RC3H2: variants seen among roughly 807,000 people sequenced by gnomAD.
The protein encoded by RC3H2 is roquin-2.
Under a neutral mutation model 133.3 loss-of-function variants are expected in RC3H2, and 31 were observed. The ratio of observed to expected loss-of-function variants is 0.23; its 90% CI spans 0.17 to 0.31. The LOEUF is 0.31. RC3H2 is among the 10% of genes least tolerant of loss of function. The pLI is 1.00. For missense variants in RC3H2, 1,175 were observed against 1,437.2 expected, an observed-to-expected ratio of 0.82 and a Z score of 2.95; for synonymous variants, 517 against 502.2, an observed-to-expected ratio of 1.03 and a Z score of -0.40.
At chr9:122,854,845 T>C (rs1163522497) in intron 15 of RC3H2, among the ~76,000 whole-genome samples, 1 of 152,158 alleles carries the variant, frequency 6.6e-6, no homozygotes, top group African/African-American at 2.4e-5. Context: ...GGCTCACATA[T>C]GTAATCCCAG....
intron 11 of RC3H2, among the ~76,000 whole-genome samples, 153 bp from the exon 12 acceptor site, chr9:122,859,255 T>A (rs1830369421): frequency 7.6e-5 from 1 of 13,186 alleles, no homozygotes; most frequent in South Asian, 6.3e-3. Context: ...ACCCTGGCTT[T>A]TTTTTTTTTT....
chr9:122,870,424 C>A (rs1282295585), intron 9 of RC3H2, among the ~76,000 whole-genome samples: 4 of 149,968 alleles, frequency 2.7e-5, no homozygotes, highest in Non-Finnish European at 5.9e-5. Context: ...AAAAAAAAAA[C>A]AACAAACTGA....
intron 9 of RC3H2, among the ~76,000 whole-genome samples, chr9:122,868,375 C>G (rs1830843695): frequency 6.6e-6 from 1 of 152,146 alleles, no homozygotes; most frequent in East Asian, 1.9e-4. Flanking sequence ...ACATGGGAGA[C>G]TTTTCATTTT....
At chr9:122,891,344 C>G (rs1231271822) in intron 3 of RC3H2, among the ~76,000 whole-genome samples, 2 of 152,028 alleles carry the variant, frequency 1.3e-5, no homozygotes, top group African/African-American at 4.8e-5. Flanking sequence ...TCTTTCTTCT[C>G]TTATGCAGCA....
In RC3H2 at chr9:122,892,876, A is replaced by G. The variant is rs565768070; in HGVS notation, c.349+33T>C. ...CAAAGTAAATGTACTACCAAGTCCT[A>G]CTTATCAGTAAAAATGCATTTTATG... On this transcript the variant is annotated intron_variant, in intron 3 of 20. Coordinates refer to ENST00000357244, the MANE Select transcript of RC3H2 (RefSeq NM_001100588.3). The G allele has an allele frequency of 2.0e-6, 3 of 1,528,696 alleles. No homozygotes were observed. In the African/African-American group the frequency reaches 4.1e-5, roughly 21 times the overall value. The allele number at this position is 1,528,696 out of a possible 1,614,324, so 94.7% of individuals were successfully genotyped here. A position where few individuals can be genotyped will look rare whatever the true frequency, so the allele number is the denominator to read the frequency against.
At chr9:122,890,913 A>G (rs1327286873) in intron 3 of RC3H2, among the ~76,000 whole-genome samples, 1 of 151,856 alleles carries the variant, frequency 6.6e-6, no homozygotes, top group Non-Finnish European at 1.5e-5. Flanking sequence ...TTACTTGAAC[A>G]TTTCCATCAT....
At chr9:122,861,976 ATAAC>A (rs990982413) in intron 10 of RC3H2, among the ~76,000 whole-genome samples, 3 of 152,242 alleles carry the variant, frequency 2.0e-5, no homozygotes, top group Non-Finnish European at 4.4e-5. Flanking sequence ...CCTTAAAACA[ATAAC>A]TAATATTTAT....
At chr9:122,867,497 G>T (rs1447910113) in intron 9 of RC3H2, among the ~76,000 whole-genome samples, 1 of 144,758 alleles carries the variant, frequency 6.9e-6, no homozygotes, top group South Asian at 2.2e-4. Context: ...CCCTGTCGGG[G>T]ATGTGAGGGG....
intron 4 of RC3H2, among the ~76,000 whole-genome samples, chr9:122,885,234 CA>C (rs1831865000): frequency 6.6e-6 from 1 of 152,066 alleles, no homozygotes; most frequent in African/African-American, 2.4e-5. Flanking sequence ...AACCTACTCT[CA>C]AATGGTTCAG....
At chr9:122,859,794 A>G (rs1830387790) in intron 11 of RC3H2, 123 bp downstream of exon 11, 1 of 824,458 alleles carries the variant, frequency 1.2e-6, no homozygotes, top group Admixed American at 2.4e-5. Flanking sequence ...AAGGAAAAAA[A>G]CTTATGAGTC....
intron 9 of RC3H2, 128 bp downstream of exon 9, chr9:122,877,343 G>C (rs74885279): frequency 0.011 from 8,099 of 705,110 alleles, 62 homozygotes; most frequent in Non-Finnish European, 0.016. Context: ...TGGGACTACA[G>C]GCATGAGCTA....
intron 18 of RC3H2, among the ~76,000 whole-genome samples, chr9:122,852,587 G>C (rs1237052482): frequency 6.8e-6 from 1 of 146,824 alleles, no homozygotes; most frequent in Admixed American, 6.8e-5. Context: ...GAGGTGTGGG[G>C]GTCAGCCCCC....
In RC3H2 at chr9:122,846,315, T is replaced by A. The variant is rs1226630174; in HGVS notation, c.*3312A>T. ...AAATAGCTATGATGGGAAGGAAAAA[T>A]CAGTGCCACTGGCCTAATGAACTCC... On this transcript the variant is annotated 3_prime_UTR_variant, in exon 21 of 21. Coordinates refer to ENST00000357244, the MANE Select transcript of RC3H2 (RefSeq NM_001100588.3). 1 of 152,188 alleles carries A rather than the reference T, an allele frequency of 6.6e-6. No homozygotes were observed. The highest frequency in any genetic ancestry group is 6.5e-5 in the Admixed American group (1 of 15,274). 9.4% of individuals were successfully genotyped at this position (152,188 alleles called of 1,614,324 possible). A position where few individuals can be genotyped will look rare whatever the true frequency, so the allele number is the denominator to read the frequency against.
rs1285063701 is a variant in RC3H2, at chr9:122,846,020, CCT to C, written c.*3605_*3606del. On this transcript the variant is annotated 3_prime_UTR_variant, in exon 21 of 21. Transcript: ENST00000357244. ...GAATCTGATGGTTATACATTCCACC[CCT>C]GTTAACAAGACAACATAGGCTTTAA... is the stretch of plus-strand genomic sequence containing the variant. 1.1e-4 allele frequency: 16 copies of C among 152,252 alleles called. No individual in the cohort carries two copies. The East Asian group carries it at 1.5e-3, about 15-fold the overall frequency. The allele number at this position is 152,252 out of a possible 1,614,324, so 9.4% of individuals were successfully genotyped here. A position where few individuals can be genotyped will look rare whatever the true frequency, so the allele number is the denominator to read the frequency against.
chr9:122,862,226 C>A (rs1387264253), intron 10 of RC3H2, among the ~76,000 whole-genome samples: 3 of 151,802 alleles, frequency 2.0e-5, no homozygotes, highest in African/African-American at 7.3e-5. Flanking sequence ...TTCAAGGCAA[C>A]AAGATCCATG....
intron 3 of RC3H2, among the ~76,000 whole-genome samples, chr9:122,890,941 T>G (rs1170041054): frequency 6.6e-6 from 1 of 151,898 alleles, no homozygotes; most frequent in Non-Finnish European, 1.5e-5. Flanking sequence ...TAAGAACAAG[T>G]ATGCTGTTAT....
chr9:122,881,936 G>A (rs570211858), intron 5 of RC3H2, among the ~76,000 whole-genome samples: 1 of 152,274 alleles, frequency 6.6e-6, no homozygotes, highest in South Asian at 2.1e-4. Context: ...CAGCTAATAG[G>A]TAGGCATATA....
intron 10 of RC3H2, among the ~76,000 whole-genome samples, chr9:122,862,403 T>A (rs1830489977): frequency 6.6e-6 from 1 of 152,186 alleles, no homozygotes; most frequent in Admixed American, 6.5e-5. Context: ...TCACACCTTA[T>A]TCATTTTGCC....
At chr9:122,851,284 TCAAA>T (rs770725285) in intron 19 of RC3H2, 35 bp downstream of exon 19, 10 of 1,611,948 alleles carry the variant, frequency 6.2e-6, no homozygotes, top group East Asian at 4.5e-5. Context: ...AAATTTTCAA[TCAAA>T]CAAAGCCTCT....
Sources: allele counts gnomAD v4.1 joint callset (sites outside exome capture counted in the v4.1 genomes callset), GRCh38; gene constraint gnomAD v4.1.1; transcripts MANE v1.5; gene names NCBI Gene and HGNC (gene_info 2026-07-23, HGNC 2026-07-21).